The following DOCK8 variants were observed in gnomAD, a reference collection of about 807,000 sequenced individuals.
The protein encoded by DOCK8 is dedicator of cytokinesis protein 8.
Under a neutral mutation model 245.6 loss-of-function variants are expected in DOCK8, and 141 were observed. The observed-to-expected ratio is 0.57, with a 90% CI of 0.50 to 0.66. The LOEUF (loss-of-function observed/expected upper bound fraction) is 0.66, where lower values mean the gene tolerates loss of function less well. Ranked by LOEUF, DOCK8 falls within the 30% of genes least tolerant of loss-of-function variation. The pLI, the probability that DOCK8 is intolerant of heterozygous loss-of-function variation, is 0.00. For synonymous variants in DOCK8, 1,168 were observed against 970.2 expected, an observed-to-expected ratio of 1.20 and a Z score of -3.79; for missense variants, 2,965 against 2,603.4, an observed-to-expected ratio of 1.14 and a Z score of -3.02.
At chr9:237,491 C>CA (rs1281792155) in intron 1 of DOCK8, among the ~76,000 whole-genome samples, 2 of 152,128 alleles carry the variant, frequency 1.3e-5, no homozygotes, top group African/African-American at 4.8e-5. Context: ...CTAGTCTCTA[C>CA]AAAAAATACA....
intron 1 of DOCK8, among the ~76,000 whole-genome samples, chr9:257,705 G>C (rs757978301): frequency 3.8e-4 from 58 of 152,286 alleles, no homozygotes; most frequent in African/African-American, 1.3e-3. Context: ...TTTTCGTAGA[G>C]ACGGGGTTTC....
intron 26 of DOCK8, 129 bp from the exon 27 acceptor site, chr9:404,789 A>G: frequency 2.1e-6 from 2 of 932,042 alleles, no homozygotes; most frequent in Non-Finnish European, 1.7e-6. Flanking sequence ...CATCTGTTGC[A>G]CTATCCCATT....
intron 44 of DOCK8, among the ~76,000 whole-genome samples, chr9:447,551 A>G (rs917530156): frequency 6.6e-6 from 1 of 152,144 alleles, no homozygotes; most frequent in Admixed American, 6.5e-5. Flanking sequence ...CACACCTAAT[A>G]TGACAGGAAT....
intron 6 of DOCK8, among the ~76,000 whole-genome samples, chr9:313,801 T>C (rs1191221928): frequency 6.6e-6 from 1 of 152,258 alleles, no homozygotes; most frequent in Non-Finnish European, 1.5e-5. Context: ...GTGATAGATA[T>C]GTTAATTAGC....
chr9:386,177 C>G (rs574098512), intron 22 of DOCK8, among the ~76,000 whole-genome samples, 154 bp from the exon 23 acceptor site: 109 of 152,244 alleles, frequency 7.2e-4, no homozygotes, highest in African/African-American at 2.6e-3. Flanking sequence ...ACTGTCTTTG[C>G]TTTGTTTTAT....
At chr9:257,808 C>A (rs1189511636) in intron 1 of DOCK8, among the ~76,000 whole-genome samples, 1 of 152,158 alleles carries the variant, frequency 6.6e-6, no homozygotes, top group African/African-American at 2.4e-5. Flanking sequence ...TGAGCCACCG[C>A]GCCCAGCCAG....
At chr9:279,055 A>G (rs1053648811) in intron 2 of DOCK8, among the ~76,000 whole-genome samples, 4 of 152,222 alleles carry the variant, frequency 2.6e-5, no homozygotes, top group Non-Finnish European at 5.9e-5. Context: ...AGTGAGAAGT[A>G]TTCTGGATAT....
chr9:356,235 G>C (rs2052437463), intron 14 of DOCK8, among the ~76,000 whole-genome samples: 1 of 152,040 alleles, frequency 6.6e-6, no homozygotes, highest in Non-Finnish European at 1.5e-5. Context: ...AAAATGTAGA[G>C]TAAAAAATTT....
chr9:377,942 G>T (rs757535843), intron 20 of DOCK8, among the ~76,000 whole-genome samples: 2 of 152,172 alleles, frequency 1.3e-5, no homozygotes, highest in Non-Finnish European at 2.9e-5. Flanking sequence ...TAGACTGGCT[G>T]GTATAGGGCA....
chr9:368,356 T>TA (rs2053113272), intron 15 of DOCK8: 1 of 715,408 alleles, frequency 1.4e-6, no homozygotes, highest in Admixed American at 2.0e-5. Context: ...GCTTGGAACA[T>TA]ACAGATCATT....
At chr9:441,098 G>A (rs2057080191) in intron 40 of DOCK8, among the ~76,000 whole-genome samples, 188 bp from the exon 41 acceptor site, 1 of 152,114 alleles carries the variant, frequency 6.6e-6, no homozygotes, top group South Asian at 2.1e-4. Context: ...ACTTAGCGAG[G>A]TGTCTAGTTC....
chr9:250,749 G>T (rs931313316), intron 1 of DOCK8, among the ~76,000 whole-genome samples: 1 of 152,222 alleles, frequency 6.6e-6, no homozygotes, highest in African/African-American at 2.4e-5. Context: ...TTTCATGACG[G>T]ATTAGAAGGT....
Position 332,455 on chromosome 9 carries a change from A to G in DOCK8, c.1102A>G (p.Ile368Val). The change falls in exon 10 of 48, where the codon ATC (isoleucine) becomes GTC (valine). Residue 368 changes from isoleucine to valine, a missense_variant. By Grantham distance (29) the Ile-to-Val change is conservative. Coordinates refer to ENST00000432829, the MANE Select transcript of DOCK8 (RefSeq NM_203447.4). ...AGACTGTGCAGAGCCCTACACGGTT[A>G]TCAAAGAAAGTGATGGTGGAAAGGT... ...IGDCAEPYTV[I>V]KESDGGKSKE... 1 of 1,613,282 alleles carries G rather than the reference A, an allele frequency of 6.2e-7. No homozygotes were observed. Among genetic ancestry groups the G allele is most frequent in the Non-Finnish European group, 8.5e-7 (1 of 1,179,298 alleles).
intron 2 of DOCK8, chr9:273,058 C>T: frequency 1.0e-6 from 1 of 985,380 alleles, no homozygotes; most frequent in Non-Finnish European, 1.2e-6. Context: ...CATTTTGTCT[C>T]CTGTAACAAT....
chr9:461,203 G>C (rs1587136107), intron 46 of DOCK8, among the ~76,000 whole-genome samples: 1 of 152,302 alleles, frequency 6.6e-6, no homozygotes, highest in Admixed American at 6.5e-5. Context: ...ATGTTCTTCA[G>C]TTTTGTCATG....
chr9:286,451 G>A lies in DOCK8; in HGVS notation c.157-10G>A. On this transcript the variant is annotated splice_polypyrimidine_tract_variant and intron_variant, in intron 2 of 47. Coordinates refer to ENST00000432829, the MANE Select transcript of DOCK8 (RefSeq NM_203447.4). ...TGAGAACCTCCTTTTCCTTTTCCCTGCCCCTCCAGCCTCAGTTTTATGACC... is the reference window on the plus strand; with the variant it reads ...TGAGAACCTCCTTTTCCTTTTCCCTACCCCTCCAGCCTCAGTTTTATGACC... 6.2e-7 allele frequency: 1 copy of A among 1,613,334 alleles called. No homozygotes were observed. The highest frequency in any genetic ancestry group is 1.1e-5 in the South Asian group (1 of 91,032).
intron 22 of DOCK8, among the ~76,000 whole-genome samples, chr9:383,700 C>CAA (rs1164310899): frequency 0.4 from 28,139 of 69,718 alleles, 7,344 homozygotes; most frequent in East Asian, 0.63. Flanking sequence ...GACTCCGTCT[C>CAA]AAAAAAAAAA....
chr9:386,467 A>G (rs2053959108), intron 23 of DOCK8, 41 bp downstream of exon 23: 2 of 1,568,758 alleles, frequency 1.3e-6, no homozygotes, highest in Admixed American at 3.4e-5. Flanking sequence ...CAGGATAAGA[A>G]CAGAAGGATT....
intron 2 of DOCK8, 83 bp from the exon 3 acceptor site, chr9:286,378 C>T: frequency 6.7e-7 from 1 of 1,493,726 alleles, no homozygotes; most frequent in South Asian, 1.2e-5. Flanking sequence ...CAAAGGAAAG[C>T]AAGGCAAACA....
Sources: allele counts gnomAD v4.1 joint callset (sites outside exome capture counted in the v4.1 genomes callset), GRCh38; gene constraint gnomAD v4.1.1; transcripts MANE v1.5; gene names NCBI Gene and HGNC (gene_info 2026-07-23, HGNC 2026-07-21).